SMARCA4: variants seen among roughly 807,000 people sequenced by gnomAD.
SMARCA4 encodes the protein SWI/SNF-related matrix-associated actin-dependent regulator of chromatin subfamily A member 4.
SMARCA4 carries 31 observed loss-of-function variants against 193.9 expected under a neutral mutation model. The ratio of observed to expected loss-of-function variants is 0.16; its 90% CI spans 0.12 to 0.22. The LOEUF (loss-of-function observed/expected upper bound fraction) is 0.22. SMARCA4 is among the 10% of genes least tolerant of loss of function. The pLI, the probability that SMARCA4 is intolerant of heterozygous loss-of-function variation, is 1.00. For missense variants in SMARCA4, 1,148 were observed against 2,296.0 expected (o/e 0.50, Z 10.22); for synonymous variants, 942 against 933.1 (o/e 1.01, Z -0.17).
intron 1 of SMARCA4, among the ~76,000 whole-genome samples, chr19:10,962,684 A>G (rs1419564149): frequency 6.6e-6 from 1 of 152,088 alleles, no homozygotes; most frequent in African/African-American, 2.4e-5. Flanking sequence ...CTGGGACTAC[A>G]GGCGCCCGCC....
chr19:11,059,665 C>T (rs2147109515), intron 32 of SMARCA4, 88 bp from the exon 33 acceptor site: 1 of 1,459,572 alleles, frequency 6.9e-7, no homozygotes, highest in Non-Finnish European at 9.4e-7. Flanking sequence ...AGGGGCAACA[C>T]AGGGCTGGGG....
chr19:10,986,424 C>A lies in SMARCA4; in HGVS notation c.591C>A (p.Pro197=), dbSNP rs572753619. ...TGCTGGCCAGGGGGCAGCCCCTCCC[C>A]GACCACCTGCAGATGGCGGTGCAGG... ...YKMLARGQPL[P]DHLQMAVQGK... is the part of the protein sequence containing the mutation. Residue 197 remains proline (P), a synonymous_variant, in exon 4 of 35, where the codon CCC becomes CCA. Transcript: ENST00000344626. The surrounding 1 kb of genome is among the most constrained non-coding windows in gnomAD (Gnocchi z 6.7). The A allele has an allele frequency of 5.7e-6, 9 of 1,575,496 alleles. No homozygotes were observed. Among genetic ancestry groups the A allele is most frequent in the Non-Finnish European group, 7.8e-6 (9 of 1,161,244 alleles).
intron 1 of SMARCA4, among the ~76,000 whole-genome samples, chr19:10,968,461 T>C (rs1316171820): frequency 6.6e-6 from 1 of 152,186 alleles, no homozygotes; most frequent in African/African-American, 2.4e-5. Context: ...GCCCCGTTTT[T>C]AATAGTGATC....
rs772995677 is a variant in SMARCA4 at position 11,025,411 on chromosome 19, CT to C, written c.3082-10del. ...AAGACCCCATTTGGGTCCCTCTCAT[CT>C]GCCTTCCAGGGCAAAGGCGGCACCA... is the stretch of plus-strand genomic sequence containing the variant. On this transcript the variant is annotated splice_polypyrimidine_tract_variant and intron_variant, in intron 21 of 34. Coordinates refer to ENST00000344626, the MANE Select transcript of SMARCA4 (RefSeq NM_003072.5). The C allele has an allele frequency of 6.2e-7, 1 of 1,606,854 alleles. No individual in the cohort carries two copies. The highest frequency in any genetic ancestry group is 1.1e-5 in the South Asian group (1 of 90,990).
chr19:10,993,000 T>C (rs2086691674), intron 8 of SMARCA4, among the ~76,000 whole-genome samples: 3 of 149,894 alleles, frequency 2.0e-5, no homozygotes, highest in Non-Finnish European at 4.4e-5. Context: ...TTTTTTTTTT[T>C]TTTGAGTCAG....
intron 21 of SMARCA4, among the ~76,000 whole-genome samples, chr19:11,024,998 C>A: frequency 6.6e-6 from 1 of 151,032 alleles, no homozygotes; most frequent in Non-Finnish European, 1.5e-5. Context: ...GCCCCGCCCC[C>A]ACCTCCTTCC....
At chr19:11,018,789 G>GTC (rs1018894299) in intron 16 of SMARCA4, 168 bp from the exon 17 acceptor site, 6 of 742,648 alleles carry the variant, frequency 8.1e-6, no homozygotes, top group Non-Finnish European at 1.5e-5. Context: ...GTCCTCGCCA[G>GTC]TCTCTCTTCC....
At chr19:10,991,819 G>A (rs2086586524) in intron 8 of SMARCA4, among the ~76,000 whole-genome samples, 1 of 152,180 alleles carries the variant, frequency 6.6e-6, no homozygotes. Flanking sequence ...GGGAGCGCAG[G>A]GAGGTGACGA....
At chr19:11,012,757 T>C in intron 15 of SMARCA4, 192 bp from the exon 16 acceptor site, 2 of 650,470 alleles carry the variant, frequency 3.1e-6, no homozygotes, top group East Asian at 2.8e-5. Context: ...ACAGACGTTA[T>C]TGCTAAGGAT....
At chr19:11,060,422 G>C in intron 34 of SMARCA4, 1 of 605,884 alleles carries the variant, frequency 1.7e-6, no homozygotes. Flanking sequence ...TGGGTGTCTG[G>C]GGACTGGGGG....
At chr19:10,964,806 C>T (rs1188043541) in intron 1 of SMARCA4, among the ~76,000 whole-genome samples, 4 of 151,792 alleles carry the variant, frequency 2.6e-5, no homozygotes, top group South Asian at 2.1e-4. Context: ...TAGTAGAGAC[C>T]GGGTTTCACC....
At chr19:11,005,844 C>A (rs900620993) in intron 13 of SMARCA4, among the ~76,000 whole-genome samples, 2 of 152,216 alleles carry the variant, frequency 1.3e-5, no homozygotes, top group African/African-American at 4.8e-5. Flanking sequence ...TTCTAGTAGA[C>A]CTTTGGTCAA....
At chr19:11,051,820 G>A (rs1432287734) in intron 30 of SMARCA4, among the ~76,000 whole-genome samples, 2 of 152,012 alleles carry the variant, frequency 1.3e-5, no homozygotes, top group African/African-American at 2.4e-5. Context: ...AGATGAGGCC[G>A]GGTGCTGTGA....
chr19:10,983,140 C>T (rs1406715935), intron 1 of SMARCA4, among the ~76,000 whole-genome samples: 4 of 152,182 alleles, frequency 2.6e-5, no homozygotes, highest in African/African-American at 9.7e-5. Flanking sequence ...CGAGGGCCTT[C>T]AGCCAGCGAG....
intron 15 of SMARCA4, 165 bp from the exon 16 acceptor site, chr19:11,012,784 G>T (rs1445195816): frequency 5.7e-6 from 4 of 699,810 alleles, no homozygotes; most frequent in South Asian, 4.6e-5. Flanking sequence ...AAGCGATAAA[G>T]AATCAGTTTG....
intron 6 of SMARCA4, among the ~76,000 whole-genome samples, chr19:10,988,801 G>C (rs1405992115): frequency 6.6e-6 from 1 of 152,162 alleles, no homozygotes; most frequent in Non-Finnish European, 1.5e-5. Flanking sequence ...CTAAGGCCCT[G>C]CACTTAAAAT....
At chr19:11,035,511 C>T (rs562964856) in intron 29 of SMARCA4, among the ~76,000 whole-genome samples, 3 of 152,356 alleles carry the variant, frequency 2.0e-5, no homozygotes, top group South Asian at 2.1e-4. Flanking sequence ...ACTATTGAGG[C>T]GCCCTGCAAA....
intron 21 of SMARCA4, among the ~76,000 whole-genome samples, chr19:11,024,910 G>T (rs988830690): frequency 6.6e-6 from 1 of 151,896 alleles, no homozygotes; most frequent in African/African-American, 2.4e-5. Context: ...CCGAGACGTT[G>T]TGTCTGTGCC....
chr19:11,010,869 G>A (rs1040954536), intron 15 of SMARCA4: 27 of 386,136 alleles, frequency 7.0e-5, no homozygotes, highest in South Asian at 4.8e-4. Context: ...GCATCGCACC[G>A]TGTGTAGGAC....
Sources: allele counts gnomAD v4.1 joint callset (sites outside exome capture counted in the v4.1 genomes callset), GRCh38; gene constraint gnomAD v4.1.1; non-coding constraint Gnocchi (gnomAD v3.1); transcripts MANE v1.5; gene names NCBI Gene and HGNC (gene_info 2026-07-23, HGNC 2026-07-21).